AXDND1: variants seen among roughly 807,000 people sequenced by gnomAD.
AXDND1 encodes axonemal dynein light chain domain containing 1, also known as axonemal dynein light chain domain-containing protein 1.
Under a neutral mutation model 137.5 loss-of-function variants are expected in AXDND1, and 110 were observed. That is an observed-to-expected ratio of 0.80 (90% confidence interval 0.69 to 0.94). The LOEUF is 0.94. Among genes scored for constraint, AXDND1 ranks in the 40% least tolerant of loss-of-function variants. The pLI, the probability that AXDND1 is intolerant of heterozygous loss-of-function variation, is 0.00. For missense variants in AXDND1, 1,191 were observed against 1,169.8 expected (o/e 1.02, Z -0.26); for synonymous variants, 414 against 399.7 (o/e 1.04, Z -0.43).
chr1:179,365,758 A>T (rs181973142), upstream of AXDND1: 4 of 152,554 alleles, frequency 2.6e-5, no homozygotes, highest in Admixed American at 2.0e-4. Flanking sequence ...GGCGTGAGAC[A>T]CTTTCGGATT....
chr1:179,438,250 A>G (rs1468340104), intron 15 of AXDND1, among the ~76,000 whole-genome samples: 1 of 152,240 alleles, frequency 6.6e-6, no homozygotes, highest in Non-Finnish European at 1.5e-5. Context: ...ACAAGGTCCC[A>G]CAGATACTTT....
At chr1:179,401,258 C>CAAAAAAAAAAAAAAAAAAAAAA (rs201354000) in intron 11 of AXDND1, among the ~76,000 whole-genome samples, 1 of 83,678 alleles carries the variant, frequency 1.2e-5, no homozygotes, top group Non-Finnish European at 2.3e-5. Context: ...AACTCCATCT[C>CAAAAAAAAAAAAAAAAAAAAAA]AAAAAAAAAA....
intron 11 of AXDND1, among the ~76,000 whole-genome samples, chr1:179,400,348 T>A (rs888336860): frequency 1.3e-5 from 2 of 152,086 alleles, no homozygotes; most frequent in African/African-American, 4.8e-5. Flanking sequence ...ACATTGTATG[T>A]TCTCACTGAT....
At position 179,430,447 on chromosome 1, in the gene AXDND1, T is replaced by C. The variant is rs1376966016; in HGVS notation, c.1333-5T>C. 6.2e-7 allele frequency: 1 copy of C among 1,600,734 alleles called. No individual in the cohort carries two copies. Among genetic ancestry groups the C allele is most frequent in the Non-Finnish European group, 8.5e-7 (1 of 1,174,828 alleles). On this transcript the variant is annotated splice_polypyrimidine_tract_variant and splice_region_variant and intron_variant, in intron 13 of 25. Transcript: ENST00000367618. The stretch of plus-strand genomic sequence containing the variant: ...ATATTATTTGATTCTATGCATTTTA[T>C]ATAGGACACTGAAGACCTTGCACTG...
intron 20 of AXDND1, among the ~76,000 whole-genome samples, chr1:179,501,783 G>T (rs1159428752): frequency 6.6e-6 from 1 of 152,084 alleles, no homozygotes; most frequent in Non-Finnish European, 1.5e-5. Context: ...TAGGAGAGAT[G>T]AAATGAGACT....
At chr1:179,419,095 G>C (rs1286188047) in intron 12 of AXDND1, among the ~76,000 whole-genome samples, 1 of 151,654 alleles carries the variant, frequency 6.6e-6, no homozygotes, top group Non-Finnish European at 1.5e-5. Context: ...TTCCTAGATG[G>C]GATGGCGGCC....
At chr1:179,405,353 G>T (rs1652794675) in intron 11 of AXDND1, among the ~76,000 whole-genome samples, 1 of 152,054 alleles carries the variant, frequency 6.6e-6, no homozygotes, top group Non-Finnish European at 1.5e-5. Context: ...CCAAATCTTT[G>T]CTATTGTAAA....
chr1:179,400,904 CAAAAA>C (rs151090012), intron 11 of AXDND1, among the ~76,000 whole-genome samples: 1 of 53,668 alleles, frequency 1.9e-5, no homozygotes, highest in Non-Finnish European at 3.1e-5. Flanking sequence ...GACTCTGTCT[CAAAAA>C]AAAAAAAAAA....
chr1:179,541,400 C>A (rs145730076), intron 25 of AXDND1, among the ~76,000 whole-genome samples: 1 of 152,064 alleles, frequency 6.6e-6, no homozygotes, highest in African/African-American at 2.4e-5. Flanking sequence ...AGAAATCACC[C>A]GTCTTCTGCA....
chr1:179,458,311 G>A (rs1049090546), intron 16 of AXDND1, among the ~76,000 whole-genome samples: 1 of 151,974 alleles, frequency 6.6e-6, no homozygotes, highest in African/African-American at 2.4e-5. Context: ...TAGCTTCATA[G>A]CTAAGTTTTA....
In AXDND1 at chr1:179,515,735, A is replaced by T. The variant is rs542235081; in HGVS notation, c.2496+6332A>T. 3.3e-5 allele frequency among the ~76,000 whole-genome samples: 5 copies of T among 152,306 alleles called. No individual in the cohort carries two copies. The East Asian group carries it at 9.6e-4, about 29-fold the overall frequency. ...TATTCTTTTTTTTAATCCACAAAAA[A>T]ATTATAATGTAAGTTAAAGTACAAA... On this transcript the variant is annotated intron_variant, in intron 21 of 25. Transcript: ENST00000367618.
chr1:179,501,861 CT>C (rs1668034157), intron 20 of AXDND1, among the ~76,000 whole-genome samples: 1 of 151,862 alleles, frequency 6.6e-6, no homozygotes, highest in African/African-American at 2.4e-5. Flanking sequence ...AATTATAAAG[CT>C]TTTAGAAGAC....
intron 11 of AXDND1, among the ~76,000 whole-genome samples, chr1:179,402,579 G>A (rs1460018417): frequency 2.0e-5 from 3 of 152,068 alleles, no homozygotes; most frequent in Admixed American, 6.6e-5. Context: ...TGCAGCAAAC[G>A]TTCCTTCTCT....
At chr1:179,421,476 T>G (rs1655724183) in intron 12 of AXDND1, among the ~76,000 whole-genome samples, 1 of 149,348 alleles carries the variant, frequency 6.7e-6, no homozygotes, top group Non-Finnish European at 1.5e-5. Context: ...CTCTGCCTCC[T>G]GGGTTCAAGT....
intron 3 of AXDND1, among the ~76,000 whole-genome samples, chr1:179,369,355 A>C (rs867187400): frequency 4.6e-5 from 7 of 152,300 alleles, no homozygotes; most frequent in African/African-American, 9.6e-5. Flanking sequence ...TGGAATTTCA[A>C]GTGTGAGCCA....
intron 16 of AXDND1, among the ~76,000 whole-genome samples, chr1:179,460,536 A>G (rs1447546923): frequency 1.3e-5 from 2 of 152,198 alleles, no homozygotes; most frequent in Non-Finnish European, 2.9e-5. Context: ...TTATAGCAGC[A>G]TGATTTATAA....
intron 25 of AXDND1, among the ~76,000 whole-genome samples, chr1:179,547,337 C>T (rs945483836): frequency 2.6e-5 from 4 of 152,190 alleles, no homozygotes; most frequent in African/African-American, 4.8e-5. Context: ...AAATGTAGAG[C>T]TCATTCTAGC....
At chr1:179,374,837 AG>A (rs1668421470) in intron 4 of AXDND1, among the ~76,000 whole-genome samples, 2 of 17,654 alleles carry the variant, frequency 1.1e-4, no homozygotes, top group African/African-American at 2.3e-4. Flanking sequence ...GGATGGGGGG[AG>A]GGGGGAGGGA....
At chr1:179,481,386 T>A (rs1224197534) in intron 17 of AXDND1, among the ~76,000 whole-genome samples, 1 of 152,216 alleles carries the variant, frequency 6.6e-6, no homozygotes, top group Admixed American at 6.5e-5. Flanking sequence ...TCTATCATTG[T>A]TGGACATTTG....
Sources: allele counts gnomAD v4.1 joint callset (sites outside exome capture counted in the v4.1 genomes callset), GRCh38; gene constraint gnomAD v4.1.1; transcripts MANE v1.5; gene names NCBI Gene and HGNC (gene_info 2026-07-23, HGNC 2026-07-21).